The following PRKRA variants were observed in gnomAD, a reference collection of about 807,000 sequenced individuals.
PRKRA encodes protein activator of interferon induced protein kinase EIF2AK2, also known as interferon-inducible double-stranded RNA-dependent protein kinase activator A.
PRKRA carries 22 observed loss-of-function variants against 32.4 expected under a neutral mutation model. The ratio of observed to expected loss-of-function variants is 0.68; its 90% CI spans 0.49 to 0.97. The LOEUF (loss-of-function observed/expected upper bound fraction) is 0.97, where lower values mean the gene tolerates loss of function less well. PRKRA is among the 50% of genes least tolerant of loss of function. The probability of loss-of-function intolerance (pLI) is 0.00; values close to 1 mark genes in which losing one functional copy is unlikely to be tolerated. For missense variants in PRKRA, 319 were observed against 375.6 expected (o/e 0.85, Z 1.25); for synonymous variants, 139 against 129.8 (o/e 1.07, Z -0.48).
At chr2:178,436,014 T>C (rs995798395) in intron 7 of PRKRA, 131 bp downstream of exon 7, 1 of 779,180 alleles carries the variant, frequency 1.3e-6, no homozygotes, top group African/African-American at 1.8e-5. Context: ...CTAGTAATTA[T>C]ATATACTTAG....
chr2:178,448,326 G>A (rs1350867283), intron 2 of PRKRA, among the ~76,000 whole-genome samples: 1 of 152,154 alleles, frequency 6.6e-6, no homozygotes, highest in Non-Finnish European at 1.5e-5. Flanking sequence ...AGTTTCAAGT[G>A]TGGCCTTCAA....
rs1031316165 is a variant in PRKRA at position 178,443,390 on chromosome 2, A to C, written c.397-6T>G. 6.4e-7 allele frequency: 1 copy of C among 1,561,752 alleles called. No homozygotes were observed. On this transcript the variant is annotated splice_polypyrimidine_tract_variant and splice_region_variant and intron_variant, in intron 4 of 7. Transcript: ENST00000325748. ...CCATGATGAATAGCCAATTCCTATA[A>C]AATCAAGATGAGGCTTTAATAGTAA...
At chr2:178,447,639 T>G in intron 2 of PRKRA, 53 bp from the exon 3 acceptor site, 1 of 1,602,350 alleles carries the variant, frequency 6.2e-7, no homozygotes, top group South Asian at 1.1e-5. Context: ...AATGTGCAGC[T>G]TACAAAGATG....
chr2:178,443,409 A>G, intron 4 of PRKRA, 25 bp from the exon 5 acceptor site: 2 of 699,802 alleles, frequency 2.9e-6, no homozygotes, highest in African/African-American at 4.1e-5. Context: ...TGAGGCTTTA[A>G]TAGTAATTTT....
At position 178,444,456 on chromosome 2, in the gene PRKRA, G is replaced by A. The variant is rs773642048; in HGVS notation, c.362C>T (p.Pro121Leu). ...DPLMPDPSKQ[P>L]KNQLNPIGSL... The stretch of plus-strand genomic sequence containing the variant: ...ACCAATAGGATTAAGCTGGTTCTTT[G>A]GTTGCTTGGAAGGGTCAGGCATTAA... The change falls in exon 4 of 8, where the codon CCA (proline) becomes CTA (leucine). Residue 121 changes from proline to leucine, a missense_variant. Pro to Leu is a moderately conservative substitution (Grantham distance 98). Coordinates refer to ENST00000325748, the MANE Select transcript of PRKRA (RefSeq NM_003690.5). 6 of 1,606,942 alleles carry A rather than the reference G, an allele frequency of 3.7e-6. No homozygotes were observed. Among genetic ancestry groups the A allele is most frequent in the Non-Finnish European group, 5.1e-6 (6 of 1,173,800 alleles).
chr2:178,444,579 A>C, intron 3 of PRKRA, 79 bp from the exon 4 acceptor site: 1 of 864,292 alleles, frequency 1.2e-6, no homozygotes, highest in Non-Finnish European at 1.7e-6. Context: ...TTTTCTAATT[A>C]ACTCTCTATG....
intron 4 of PRKRA, chr2:178,443,662 C>G (rs907387237): frequency 2.8e-6 from 1 of 360,280 alleles, no homozygotes; most frequent in Non-Finnish European, 5.3e-6. Flanking sequence ...GAAAAACAGG[C>G]TACTACCGCC....
chr2:178,433,214 A>G (rs1030253633), intron 7 of PRKRA, among the ~76,000 whole-genome samples: 28 of 152,198 alleles, frequency 1.8e-4, no homozygotes, highest in African/African-American at 6.8e-4. Flanking sequence ...CAGCTGAATA[A>G]TATTTCATTG....
chr2:178,444,005 TA>T, intron 4 of PRKRA: 1 of 185,272 alleles, frequency 5.4e-6, no homozygotes, highest in South Asian at 1.1e-4. Context: ...TGTGTATAGA[TA>T]AAATTTTTTT....
At chr2:178,450,666 A>T in intron 1 of PRKRA, 1 of 1,432,874 alleles carries the variant, frequency 7.0e-7, no homozygotes, top group Non-Finnish European at 9.1e-7. Context: ...TCTCAACAGA[A>T]CAGGGCTGGC....
Position 178,451,045 on chromosome 2 carries a change from G to A in PRKRA, c.-15C>T, listed in dbSNP as rs1697611130. The A allele has an allele frequency of 1.3e-6, 2 of 1,554,260 alleles. No homozygotes were observed. Among genetic ancestry groups the A allele is most frequent in the Non-Finnish European group, 1.7e-6 (2 of 1,155,310 alleles). On this transcript the variant is annotated 5_prime_UTR_variant, in exon 1 of 8. Coordinates refer to ENST00000325748, the MANE Select transcript of PRKRA (RefSeq NM_003690.5). ...CTCTGGGACATGGCGAGAAGGGACG[G>A]CTCAGCGGCTGGAGGAAGAGCGGTG...
chr2:178,435,740 C>G (rs969735950), intron 7 of PRKRA, among the ~76,000 whole-genome samples: 8 of 152,218 alleles, frequency 5.3e-5, no homozygotes, highest in Non-Finnish European at 1.0e-4. Context: ...AAATCTTGCT[C>G]TACCGCTGAC....
chr2:178,447,036 T>C (rs1056355065), intron 3 of PRKRA, among the ~76,000 whole-genome samples: 2 of 149,040 alleles, frequency 1.3e-5, no homozygotes, highest in South Asian at 4.3e-4. Flanking sequence ...TAGAAAGATA[T>C]GTCAAGAATT....
chr2:178,450,673 T>C, intron 1 of PRKRA: 3 of 1,422,460 alleles, frequency 2.1e-6, no homozygotes, highest in Non-Finnish European at 2.7e-6. Flanking sequence ...AGAACAGGGC[T>C]GGCAGCAGCG....
intron 7 of PRKRA, among the ~76,000 whole-genome samples, chr2:178,434,400 C>T (rs547481607): frequency 5.9e-5 from 9 of 151,524 alleles, no homozygotes; most frequent in South Asian, 2.1e-4. Context: ...TGTGAGCCAC[C>T]GCACCTGGCC....
chr2:178,431,974 T>C lies in PRKRA; in HGVS notation c.*123A>G. 1 of 1,173,030 alleles carries C rather than the reference T, an allele frequency of 8.5e-7. No homozygotes were observed. Among genetic ancestry groups the C allele is most frequent in the South Asian group, 1.3e-5 (1 of 74,924 alleles). The allele number at this position is 1,173,030 out of a possible 1,614,324, so 72.7% of individuals were successfully genotyped here. A position where few individuals can be genotyped will look rare whatever the true frequency, so the allele number is the denominator to read the frequency against. On this transcript the variant is annotated 3_prime_UTR_variant, in exon 8 of 8. Transcript: ENST00000325748. Reference sequence around the variant, plus strand: ...GAGGAGATAATTAAATCTGGAGTGTTGATGGAATCTATGAAGAGATTTAGA... The same window carrying C: ...GAGGAGATAATTAAATCTGGAGTGTCGATGGAATCTATGAAGAGATTTAGA...
At chr2:178,449,682 G>T (rs890621248) in intron 2 of PRKRA, among the ~76,000 whole-genome samples, 2 of 152,178 alleles carry the variant, frequency 1.3e-5, no homozygotes, top group African/African-American at 4.8e-5. Flanking sequence ...TTAAAAAGTG[G>T]ATAATATACA....
chr2:178,441,146 A>G (rs1269372452), intron 6 of PRKRA, among the ~76,000 whole-genome samples: 1 of 152,198 alleles, frequency 6.6e-6, no homozygotes, highest in Non-Finnish European at 1.5e-5. Context: ...ATGTTCCCAC[A>G]TCACACTCTG....
chr2:178,450,899 C>G, intron 1 of PRKRA, 67 bp downstream of exon 1: 2 of 1,507,654 alleles, frequency 1.3e-6, no homozygotes, highest in Non-Finnish European at 8.8e-7. Flanking sequence ...GGAGGGCCGG[C>G]TCCCCGCGCC....
Sources: gnomAD v4.1 joint callset for allele counts (sites outside exome capture counted in the v4.1 genomes callset) on GRCh38, gnomAD v4.1.1 for gene constraint, MANE v1.5 for transcripts, NCBI Gene and HGNC (gene_info 2026-07-23, HGNC 2026-07-21) for gene names.